OR1J2: variants seen among roughly 807,000 people sequenced by gnomAD.
The protein encoded by OR1J2 is olfactory receptor 1J2.
For synonymous variants in OR1J2, 142 were observed against 99.7 expected (o/e 1.42, Z -2.52); for missense variants, 304 against 246.1 (o/e 1.24, Z -1.57).
At chr9:122,554,543 T>G in the OR1J2 span, among the ~76,000 whole-genome samples, 2 of 152,226 alleles carry the variant, frequency 1.3e-5, no homozygotes, top group South Asian at 2.1e-4. Context: ...ATTTATTGAC[T>G]ATCCACAATG....
the OR1J2 span, among the ~76,000 whole-genome samples, chr9:122,537,652 T>C: frequency 6.6e-6 from 1 of 152,218 alleles, no homozygotes; most frequent in Non-Finnish European, 1.5e-5. Flanking sequence ...TTTAATGTTA[T>C]TGGTTCTTCC....
the OR1J2 span, among the ~76,000 whole-genome samples, chr9:122,465,490 A>G: frequency 1.3e-5 from 2 of 152,190 alleles, no homozygotes; most frequent in Non-Finnish European, 2.9e-5. Context: ...GTACAATTTT[A>G]AATCAATAGC....
At chr9:122,454,787 A>G in the OR1J2 span, among the ~76,000 whole-genome samples, 3 of 152,338 alleles carry the variant, frequency 2.0e-5, no homozygotes, top group East Asian at 5.8e-4. Context: ...CCGTCATGAG[A>G]TGAAGTCACT....
the OR1J2 span, among the ~76,000 whole-genome samples, chr9:122,555,638 G>A: frequency 6.6e-6 from 1 of 152,164 alleles, no homozygotes; most frequent in Non-Finnish European, 1.5e-5. Context: ...ATTGGCTCAT[G>A]CAGTTGTAGA....
the OR1J2 span, among the ~76,000 whole-genome samples, chr9:122,536,962 T>A: frequency 6.6e-6 from 1 of 152,176 alleles, no homozygotes; most frequent in Non-Finnish European, 1.5e-5. Context: ...ATTACTATAA[T>A]CTCATAGTAT....
chr9:122,526,325 A>T, the OR1J2 span: 1 of 1,345,332 alleles, frequency 7.4e-7, no homozygotes, highest in African/African-American at 1.5e-5. Context: ...CTCCAAGCCT[A>T]TGTCTTTTCA....
At chr9:122,458,822 T>C in the OR1J2 span, among the ~76,000 whole-genome samples, 9 of 152,076 alleles carry the variant, frequency 5.9e-5, no homozygotes, top group Non-Finnish European at 4.4e-5. Context: ...TCATGAAATA[T>C]TACTCCTAAA....
downstream of OR1J2, among the ~76,000 whole-genome samples, chr9:122,513,480 C>T (rs377037985): frequency 6.6e-5 from 10 of 152,008 alleles, no homozygotes; most frequent in African/African-American, 2.2e-4. Context: ...CCTGTGTTTC[C>T]GCAGAGTTCA....
chr9:122,506,457 T>C (rs1828524429), upstream of OR1J2, among the ~76,000 whole-genome samples: 1 of 152,182 alleles, frequency 6.6e-6, no homozygotes, highest in Non-Finnish European at 1.5e-5. Context: ...GCTCTGGGGC[T>C]GTAAACAGGA....
the OR1J2 span, chr9:122,554,059 T>C: frequency 1.2e-6 from 2 of 1,613,286 alleles, no homozygotes; most frequent in African/African-American, 2.7e-5. Context: ...CTCTATATGG[T>C]GATTATTCCC....
At chr9:122,510,125 T>C (rs1371171424), upstream of OR1J2, among the ~76,000 whole-genome samples, 1 of 152,162 alleles carries the variant, frequency 6.6e-6, no homozygotes, top group Non-Finnish European at 1.5e-5. Flanking sequence ...CTGCACGTCC[T>C]GCACATGTAC....
chr9:122,465,745 G>A, the OR1J2 span, among the ~76,000 whole-genome samples: 4 of 152,170 alleles, frequency 2.6e-5, no homozygotes, highest in East Asian at 7.7e-4. Context: ...GAAGGACAAG[G>A]CTTGAGGATC....
chr9:122,478,470 G>A, the OR1J2 span, among the ~76,000 whole-genome samples: 3,588 of 152,268 alleles, frequency 0.024, 68 homozygotes, highest in East Asian at 0.071. Flanking sequence ...TGTCTACACA[G>A]TGCATGATTA....
At chr9:122,527,160 A>G in the OR1J2 span, 2 of 1,614,212 alleles carry the variant, frequency 1.2e-6, no homozygotes, top group Non-Finnish European at 1.7e-6. Flanking sequence ...GCCAATGGCC[A>G]GGATGATGAG....
At chr9:122,477,369 C>G in the OR1J2 span, 2 of 1,613,992 alleles carry the variant, frequency 1.2e-6, no homozygotes, top group Non-Finnish European at 1.7e-6. Context: ...AGCAGGACAA[C>G]TTGAGCAGGG....
the OR1J2 span, among the ~76,000 whole-genome samples, chr9:122,558,938 A>T: frequency 6.6e-6 from 1 of 152,064 alleles, no homozygotes; most frequent in African/African-American, 2.4e-5. Context: ...CACAATGATT[A>T]TACATATTTA....
chr9:122,568,994 ACT>A, the OR1J2 span, among the ~76,000 whole-genome samples: 1 of 151,884 alleles, frequency 6.6e-6, no homozygotes, highest in Non-Finnish European at 1.5e-5. Context: ...GTTTCAGGAC[ACT>A]CTTTCCCTAT....
At chr9:122,470,697 G>A in the OR1J2 span, among the ~76,000 whole-genome samples, 1 of 152,206 alleles carries the variant, frequency 6.6e-6, no homozygotes, top group Non-Finnish European at 1.5e-5. Flanking sequence ...GCCAGCCCAT[G>A]AATGCAGCGG....
the OR1J2 span, among the ~76,000 whole-genome samples, chr9:122,469,294 A>C: frequency 2.0e-5 from 3 of 152,182 alleles, no homozygotes; most frequent in Non-Finnish European, 2.9e-5. Context: ...AATTTGAATC[A>C]TGGGGAGCAG....
Sources: allele counts gnomAD v4.1 joint callset (sites outside exome capture counted in the v4.1 genomes callset), GRCh38; gene constraint gnomAD v4.1.1; transcripts MANE v1.5; gene names NCBI Gene and HGNC (gene_info 2026-07-23, HGNC 2026-07-21).